The following CEP350 variants were observed in gnomAD, a reference collection of about 807,000 sequenced individuals.
CEP350 encodes the protein centrosome-associated protein 350.
CEP350 carries 126 observed loss-of-function variants against 331.8 expected under a neutral mutation model. That is an observed-to-expected ratio of 0.38 (90% CI 0.33 to 0.44). CEP350 has a LOEUF of 0.44. Among genes scored for constraint, CEP350 ranks in the 20% least tolerant of loss-of-function variants. CEP350 has a pLI of 1.00. For missense variants in CEP350, 3,406 were observed against 3,634.6 expected, an observed-to-expected ratio of 0.94 and a Z score of 1.62; for synonymous variants, 1,200 against 1,259.5, an observed-to-expected ratio of 0.95 and a Z score of 1.00.
At chr1:180,103,980 AAT>A (rs888336085) in intron 37 of CEP350, among the ~76,000 whole-genome samples, 2 of 147,192 alleles carry the variant, frequency 1.4e-5, no homozygotes, top group African/African-American at 4.9e-5. Context: ...TATATTTTAA[AAT>A]ATATACAAAT....
In CEP350 at chr1:180,031,308, T is replaced by A. The variant is rs747469316; in HGVS notation, c.3551-12T>A. 1 of 1,561,074 alleles carries A rather than the reference T, an allele frequency of 6.4e-7. No homozygotes were observed. The highest frequency in any genetic ancestry group is 1.1e-5 in the South Asian group (1 of 87,472). ...TATTGGGAATCAGCTTTATAAGAAA[T>A]TTACTTTACAGGGTTGGATTCATTC... On this transcript the variant is annotated splice_polypyrimidine_tract_variant and intron_variant, in intron 14 of 37. Transcript: ENST00000367607.
At chr1:180,038,600 T>C (rs1656528765) in intron 17 of CEP350, among the ~76,000 whole-genome samples, 1 of 152,206 alleles carries the variant, frequency 6.6e-6, no homozygotes, top group Non-Finnish European at 1.5e-5. Flanking sequence ...TAGTATCTCA[T>C]TGTGGTTGTA....
At chr1:180,084,776 A>C (rs1659762339) in intron 31 of CEP350, among the ~76,000 whole-genome samples, 1 of 152,152 alleles carries the variant, frequency 6.6e-6, no homozygotes, top group South Asian at 2.1e-4. Context: ...CTGAGGCAGA[A>C]TTGCTTGAAG....
chr1:179,997,572 A>C (rs1164948762), intron 6 of CEP350, among the ~76,000 whole-genome samples: 1 of 151,904 alleles, frequency 6.6e-6, no homozygotes, highest in Non-Finnish European at 1.5e-5. Flanking sequence ...TTATTTCAAC[A>C]TACATGTTAA....
chr1:180,089,891 C>T (rs913117096), intron 32 of CEP350, among the ~76,000 whole-genome samples: 9 of 152,038 alleles, frequency 5.9e-5, no homozygotes, highest in African/African-American at 2.2e-4. Context: ...AAATGGGAGC[C>T]AGGTACTCAA....
chr1:180,100,589 A>G (rs921289099), intron 37 of CEP350, among the ~76,000 whole-genome samples: 1 of 152,324 alleles, frequency 6.6e-6, no homozygotes, highest in Admixed American at 6.5e-5. Flanking sequence ...ACCTTCATAG[A>G]TTTCCAGTTT....
At position 180,084,410 on chromosome 1, in the gene CEP350, G is replaced by A. The variant is rs147492869; in HGVS notation, c.6285+232G>A. 1,010 of 281,400 alleles carry A rather than the reference G, an allele frequency of 3.6e-3. 9 individuals carry two copies. The highest frequency in any genetic ancestry group is 0.019 in the African/African-American group (869 of 44,588). 17.4% of individuals were successfully genotyped at this position (281,400 alleles called of 1,614,324 possible). On this transcript the variant is annotated intron_variant, in intron 31 of 37. Coordinates refer to ENST00000367607, the MANE Select transcript of CEP350 (RefSeq NM_014810.5). Reference sequence around the variant, plus strand: ...GATGGAATCTCGCTCTGTCGCCTAGGCTGGAGTGCAGTGGCGCGATCTCTG... The same window carrying A: ...GATGGAATCTCGCTCTGTCGCCTAGACTGGAGTGCAGTGGCGCGATCTCTG...
chr1:179,977,484 C>T (rs1651955088), intron 1 of CEP350, among the ~76,000 whole-genome samples: 1 of 152,048 alleles, frequency 6.6e-6, no homozygotes, highest in Non-Finnish European at 1.5e-5. Flanking sequence ...GGACTCCAGC[C>T]AAATTGGTAA....
In CEP350 at chr1:180,002,061, T is replaced by C. The variant is rs140625305; in HGVS notation, c.1019-1113T>C. On this transcript the variant is annotated intron_variant, in intron 6 of 37. Coordinates refer to ENST00000367607, the MANE Select transcript of CEP350 (RefSeq NM_014810.5). ...AGGGGAGTATGAATCAAAACCACAA[T>C]GAGATACTACTTTATACCCACTAGG... Among the ~76,000 whole-genome samples, 5 of 152,320 alleles carry C rather than the reference T, an allele frequency of 3.3e-5. No homozygotes were observed. In the East Asian group the frequency reaches 9.6e-4, roughly 29 times the overall value.
At chr1:180,087,758 G>GA in intron 32 of CEP350, 41 bp downstream of exon 32, 1 of 1,420,018 alleles carries the variant, frequency 7.0e-7, no homozygotes, top group Admixed American at 2.9e-5. Flanking sequence ...TGCCTTGTTT[G>GA]AAAAAGGAAT....
chr1:180,020,978 T>G lies in CEP350; in HGVS notation c.3204T>G (p.Ile1068Met), dbSNP rs747450844. The G allele has an allele frequency of 1.9e-6, 3 of 1,563,550 alleles. No homozygotes were observed. Among genetic ancestry groups the G allele is most frequent in the Non-Finnish European group, 2.6e-6 (3 of 1,161,548 alleles). Residue 1068 changes from isoleucine to methionine, a missense_variant, in exon 12 of 38, where the codon ATT becomes ATG. This residue lies in a region of CEP350 where 1,857 missense variants were observed against 1,909.2 expected (regional missense o/e 0.97). Transcript: ENST00000367607. The part of the protein sequence containing the change: ...AKGSPHSVIN[I>M]FTKSYQLYGK... Reference sequence around the variant, plus strand: ...GAAGTCCACATAGCGTCATTAATATTTTTACAAAATCCTATCAGTTATATG... The same window carrying G: ...GAAGTCCACATAGCGTCATTAATATGTTTACAAAATCCTATCAGTTATATG...
Position 180,078,654 on chromosome 1 carries a change from T to C in CEP350, c.5959T>C (p.Ser1987Pro). 1 of 1,608,232 alleles carries C rather than the reference T, an allele frequency of 6.2e-7. No individual in the cohort carries two copies. The change falls in exon 29 of 38, where the codon TCT (serine) becomes CCT (proline). Residue 1987 changes from serine to proline, a missense_variant. This residue lies in a region of CEP350 where 1,415 missense variants were observed against 1,512.3 expected (regional missense o/e 0.94). Transcript: ENST00000367607. ...GATTTGTTCACAGGAACTAGAATCT[T>C]CTACCTCTCCTAGTAAACATGTAAG... is the stretch of plus-strand genomic sequence containing the variant. The part of the protein sequence containing the change: ...EMICSQELES[S>P]TSPSKHSLPK...
chr1:180,025,145 C>T (rs1655586791), intron 14 of CEP350, among the ~76,000 whole-genome samples: 3 of 151,946 alleles, frequency 2.0e-5, no homozygotes, highest in East Asian at 3.9e-4. Context: ...AGGATGGTCT[C>T]GATCTCCTGA....
At chr1:179,992,971 GTA>G (rs1334691121) in intron 5 of CEP350, among the ~76,000 whole-genome samples, 1 of 151,720 alleles carries the variant, frequency 6.6e-6, no homozygotes, top group East Asian at 1.9e-4. Context: ...GTAGTTCTAG[GTA>G]TATGTTTGTA....
chr1:180,041,707 G>A lies in CEP350; in HGVS notation c.4267G>A (p.Val1423Ile). 6.2e-7 allele frequency: 1 copy of A among 1,613,742 alleles called. No homozygotes were observed. Among genetic ancestry groups the A allele is most frequent in the African/African-American group, 1.3e-5 (1 of 75,024 alleles). ...LQQVVQSQRE[V>I]TEVLQEATCK... ...GCAGGTGGTTCAATCACAACGGGAA[G>A]TAACTGAAGTCCTGCAGGAAGCAAC... The change falls in exon 19 of 38, where the codon GTA (valine) becomes ATA (isoleucine). Residue 1423 changes from valine to isoleucine, a missense_variant. Physicochemically the swap from Val to Ile is conservative, Grantham distance 29. Around this residue, in one of 5 missense-constraint regions of CEP350, gnomAD observed 1,857 missense variants for 1,909.2 expected, o/e 0.97. Coordinates refer to ENST00000367607, the MANE Select transcript of CEP350 (RefSeq NM_014810.5).
At chr1:180,049,104 A>G (rs1657320392) in intron 22 of CEP350, among the ~76,000 whole-genome samples, 1 of 152,162 alleles carries the variant, frequency 6.6e-6, no homozygotes, top group African/African-American at 2.4e-5. Context: ...AAACAACTTG[A>G]CTGAAACTGT....
At position 179,990,556 on chromosome 1, in the gene CEP350, T is replaced by C. The variant is rs940731724; in HGVS notation, c.170T>C (p.Val57Ala). The change falls in exon 4 of 38, where the codon GTG becomes GCG. Residue 57 changes from valine (V) to alanine (A), a missense_variant. Around this residue, in one of 5 missense-constraint regions of CEP350, gnomAD observed 1,857 missense variants for 1,909.2 expected, o/e 0.97. Coordinates refer to ENST00000367607, the MANE Select transcript of CEP350 (RefSeq NM_014810.5). Reference sequence around the variant, plus strand: ...GAAGTAGCCCCTACAAGTACAGCTGTGTGTGATTCTGTCATGGATACCAAG... The same window carrying C: ...GAAGTAGCCCCTACAAGTACAGCTGCGTGTGATTCTGTCATGGATACCAAG... ...KLEVAPTSTAVCDSVMDTKKS... is the reference protein window; with the variant it reads ...KLEVAPTSTAACDSVMDTKKS... 1.9e-6 allele frequency: 3 copies of C among 1,605,992 alleles called. No homozygotes were observed. In the African/African-American group the frequency reaches 4.0e-5, roughly 21 times the overall value.
At chr1:180,052,610 G>GTAA (rs1657583891) in intron 22 of CEP350, among the ~76,000 whole-genome samples, 1 of 151,670 alleles carries the variant, frequency 6.6e-6, no homozygotes, top group African/African-American at 2.4e-5. Flanking sequence ...TTGATTGATA[G>GTAA]TAATGTTAAA....
intron 37 of CEP350, among the ~76,000 whole-genome samples, chr1:180,104,316 A>G (rs942634622): frequency 2.0e-5 from 3 of 151,928 alleles, no homozygotes; most frequent in African/African-American, 7.2e-5. Flanking sequence ...ACAGTGGTTA[A>G]TATTTTGGAC....
Sources: gnomAD v4.1 joint callset for allele counts (sites outside exome capture counted in the v4.1 genomes callset) on GRCh38, gnomAD v4.1.1 for gene constraint, gnomAD v4.1.1 regional missense constraint, MANE v1.5 for transcripts, NCBI Gene and HGNC (gene_info 2026-07-23, HGNC 2026-07-21) for gene names.